The following HEATR1 variants were observed in gnomAD, a reference collection of about 807,000 sequenced individuals.
HEATR1 encodes the protein HEAT repeat containing 1.
A neutral mutation model predicts 248.2 loss-of-function variants in HEATR1; 77 were observed. That is an observed-to-expected ratio of 0.31 (90% CI 0.26 to 0.37). The LOEUF (loss-of-function observed/expected upper bound fraction) is 0.37, where lower values mean the gene tolerates loss of function less well. HEATR1 is among the 10% of genes least tolerant of loss of function. HEATR1 has a pLI of 1.00. For missense variants in HEATR1, 2,420 were observed against 2,504.9 expected (o/e 0.97, Z 0.72); for synonymous variants, 897 against 923.1 (o/e 0.97, Z 0.51).
chr1:236,552,743 T>C (rs774184174), intron 43 of HEATR1: 6 of 152,338 alleles, frequency 3.9e-5, no homozygotes, highest in African/African-American at 1.4e-4. Context: ...GTCTTCTAAT[T>C]TTGGATATTT....
At chr1:236,601,853 C>T (rs950576932) in intron 3 of HEATR1, among the ~76,000 whole-genome samples, 6 of 149,462 alleles carry the variant, frequency 4.0e-5, no homozygotes, top group Admixed American at 2.0e-4. Flanking sequence ...AAAAGACAGC[C>T]GTGTGCAGTG....
rs749461466 is a variant in HEATR1, at chr1:236,582,867, T to A, written c.2431A>T (p.Ile811Leu). ...KAPKSFPKGDIWWNPEQLKED... is the reference protein window; with the variant it reads ...KAPKSFPKGDLWWNPEQLKED... ...TTCAGTTGTTCAGGATTCCACCATA[T>A]ATCACCTACAAGGACATGGAAAGAG... Residue 811 changes from isoleucine (I) to leucine (L), a missense_variant, in exon 19 of 45, where the codon ATA (isoleucine) becomes TTA (leucine). Transcript: ENST00000366582. 6.2e-7 allele frequency: 1 copy of A among 1,614,080 alleles called. No homozygotes were observed. Among genetic ancestry groups the A allele is most frequent in the South Asian group, 1.1e-5 (1 of 91,084 alleles).
At chr1:236,595,748 A>AT in intron 7 of HEATR1, 75 bp from the exon 8 acceptor site, 1 of 1,512,994 alleles carries the variant, frequency 6.6e-7, no homozygotes, top group Non-Finnish European at 9.1e-7. Flanking sequence ...GAAAATATAT[A>AT]ATCACTTATC....
chr1:236,564,608 G>A lies in HEATR1; in HGVS notation c.4489C>T (p.Leu1497=), dbSNP rs1267684304. The A allele has an allele frequency of 1.2e-6, 2 of 1,613,534 alleles. No homozygotes were observed. The highest frequency in any genetic ancestry group is 8.5e-7 in the Non-Finnish European group (1 of 1,179,928). Residue 1497 remains leucine, a synonymous_variant, in exon 32 of 45, where the codon CTA becomes TTA. Coordinates refer to ENST00000366582, the MANE Select transcript of HEATR1 (RefSeq NM_018072.6). ...TGAGTCTCTACATTAAAAACCTGTA[G>A]CATTTCTTCTTGTGATTCACTCTTA... The part of the protein sequence containing the change: ...FNKSESQEEM[L]QVFNVETHTS...
intron 15 of HEATR1, 143 bp from the exon 16 acceptor site, chr1:236,586,084 G>C: frequency 7.8e-7 from 1 of 1,276,652 alleles, no homozygotes; most frequent in Non-Finnish European, 1.1e-6. Flanking sequence ...ATTTGTCTAT[G>C]AATTGGCTTC....
At chr1:236,592,303 G>T (rs1664059735) in intron 10 of HEATR1, among the ~76,000 whole-genome samples, 193 bp from the exon 11 acceptor site, 1 of 152,052 alleles carries the variant, frequency 6.6e-6, no homozygotes, top group Admixed American at 6.6e-5. Flanking sequence ...TAACAAAATA[G>T]TCTCTCTATA....
intron 24 of HEATR1, 89 bp from the exon 25 acceptor site, chr1:236,572,917 C>A (rs1337882559): frequency 2.6e-6 from 3 of 1,167,082 alleles, no homozygotes; most frequent in Non-Finnish European, 3.8e-6. Context: ...AGGATTTATT[C>A]AATTAAGAGG....
rs753570196 is a variant in HEATR1 at position 236,559,056 on chromosome 1, C to T, written c.4850G>A (p.Arg1617His). 1.1e-5 allele frequency: 18 copies of T among 1,612,408 alleles called. No homozygotes were observed. Among genetic ancestry groups the T allele is most frequent in the Admixed American group, 1.0e-4 (6 of 59,496 alleles). The change falls in exon 35 of 45, where the codon CGC becomes CAC. Residue 1617 changes from arginine (R) to histidine (H), a missense_variant. Coordinates refer to ENST00000366582, the MANE Select transcript of HEATR1 (RefSeq NM_018072.6). ...LVGNPLPSVR[R>H]KALDLLNNKL... ...GTTATTCAAAAGGTCCAGCGCTTTG[C>T]GGCGAACAGATGGCAGGGGATTGCC... is the stretch of plus-strand genomic sequence containing the variant.
chr1:236,553,851 A>G (rs1300366252), intron 42 of HEATR1, 112 bp from the exon 43 acceptor site: 18 of 1,138,226 alleles, frequency 1.6e-5, no homozygotes, highest in Middle Eastern at 3.0e-4. Flanking sequence ...TAGCAGGTTC[A>G]AAAACCAGGC....
At position 236,559,018 on chromosome 1, in the gene HEATR1, T is replaced by C. The variant is rs115054974; in HGVS notation, c.4888A>G (p.Asn1630Asp). The C allele has an allele frequency of 9.0e-3, 14,423 of 1,610,572 alleles. 98 individuals carry two copies. The highest frequency in any genetic ancestry group is 0.01 in the Non-Finnish European group (11,933 of 1,179,060). ...LDLLNNKLQQ[N>D]ISWKKTIVTR... Reference sequence around the variant, plus strand: ...ACTATTGTCTTCTTCCAGGATATATTTTGCTGCAGCTTGTTATTCAAAAGG... The same window carrying C: ...ACTATTGTCTTCTTCCAGGATATATCTTGCTGCAGCTTGTTATTCAAAAGG... Residue 1630 changes from asparagine to aspartate, a missense_variant, in exon 35 of 45, where the codon AAT becomes GAT. Physicochemically the swap from Asn to Asp is conservative, Grantham distance 23. Coordinates refer to ENST00000366582, the MANE Select transcript of HEATR1 (RefSeq NM_018072.6).
chr1:236,576,845 G>C lies in HEATR1; in HGVS notation c.2860C>G (p.Leu954Val). ...TTAGAAATCAAATGATCTATTATCA[G>C]ATAAAACGGGGATGCCACTCCACTG... ...ALSGVASPFY[L>V]IIDHLISKAE... is the part of the protein sequence containing the mutation. Residue 954 changes from leucine to valine, a missense_variant, in exon 21 of 45, where the codon CTG (leucine) becomes GTG (valine). Physicochemically the swap from Leu to Val is conservative, Grantham distance 32. Coordinates refer to ENST00000366582, the MANE Select transcript of HEATR1 (RefSeq NM_018072.6). 6.2e-7 allele frequency: 1 copy of C among 1,614,058 alleles called. No homozygotes were observed. The highest frequency in any genetic ancestry group is 8.5e-7 in the Non-Finnish European group (1 of 1,179,976).
rs776199324 is a variant in HEATR1 at position 236,556,250 on chromosome 1, A to T, written c.5364T>A (p.His1788Gln). ...YLEGILSQVI[H>Q]LEKITSEMGS... ...CCATTTCACTAGTGATTTTCTCCAGATGAATCACCTACAGGAATATAAAAA... is the reference window on the plus strand; with the variant it reads ...CCATTTCACTAGTGATTTTCTCCAGTTGAATCACCTACAGGAATATAAAAA... Residue 1788 changes from histidine (H) to glutamine (Q), a missense_variant, in exon 38 of 45, where the codon CAT becomes CAA. By Grantham distance (24) the His-to-Gln change is conservative (BLOSUM62 0). Coordinates refer to ENST00000366582, the MANE Select transcript of HEATR1 (RefSeq NM_018072.6). The T allele has an allele frequency of 6.2e-7, 1 of 1,614,016 alleles. No homozygotes were observed. Among genetic ancestry groups the T allele is most frequent in the Non-Finnish European group, 8.5e-7 (1 of 1,180,004 alleles).
At chr1:236,592,166 A>G in intron 10 of HEATR1, 56 bp from the exon 11 acceptor site, 2 of 839,188 alleles carry the variant, frequency 2.4e-6, no homozygotes, top group Non-Finnish European at 3.8e-6. Context: ...TTAATCTCAT[A>G]CACCATACAC....
chr1:236,585,064 C>T lies in HEATR1; in HGVS notation c.2202G>A (p.Gln734=). Residue 734 remains glutamine (Q), a synonymous_variant, in exon 17 of 45, where the codon CAG becomes CAA. Coordinates refer to ENST00000366582, the MANE Select transcript of HEATR1 (RefSeq NM_018072.6). ...CACTTTCAAGCTTCTTTATTTTTTT[C>T]TGCAACAAACTGAAGACTCTTATCG... ...PFAIRVFSLL[Q]KKIKKLESVI... 6.2e-7 allele frequency: 1 copy of T among 1,612,212 alleles called. No homozygotes were observed. Among genetic ancestry groups the T allele is most frequent in the Non-Finnish European group, 8.5e-7 (1 of 1,179,426 alleles).
chr1:236,583,219 A>T, intron 17 of HEATR1, 23 bp from the exon 18 acceptor site: 1 of 1,555,056 alleles, frequency 6.4e-7, no homozygotes, highest in African/African-American at 1.4e-5. Context: ...AGGAAACAAA[A>T]ACTAGTACAA....
intron 33 of HEATR1, 122 bp downstream of exon 33, chr1:236,561,103 G>C: frequency 1.3e-6 from 1 of 740,990 alleles, no homozygotes; most frequent in South Asian, 1.7e-5. Context: ...GTGGCAGAAA[G>C]TATTATCAAA....
intron 20 of HEATR1, among the ~76,000 whole-genome samples, chr1:236,577,487 T>A (rs1282883073): frequency 3.5e-5 from 3 of 86,532 alleles, no homozygotes; most frequent in Non-Finnish European, 7.7e-5. Context: ...AATTACATCA[T>A]TCTTTTTTTT....
rs772823340 is a variant in HEATR1 at position 236,603,994 on chromosome 1, C to T, written c.102G>A (p.Lys34=). The T allele has an allele frequency of 6.2e-7, 1 of 1,600,194 alleles. No individual in the cohort carries two copies. Among genetic ancestry groups the T allele is most frequent in the Non-Finnish European group, 8.5e-7 (1 of 1,175,486 alleles). The change falls in exon 2 of 45, where the codon AAG becomes AAA. Residue 34 remains lysine (K), a synonymous_variant. Coordinates refer to ENST00000366582, the MANE Select transcript of HEATR1 (RefSeq NM_018072.6). ...DEVASLLFDP[K]EAATIDRDTA... is the part of the protein sequence containing the mutation. ...TGTCCCTGTCGATTGTGGCCGCTTCCTTAGGGTCAAATAACAAAGAAGCAA... is the reference window on the plus strand; with the variant it reads ...TGTCCCTGTCGATTGTGGCCGCTTCTTTAGGGTCAAATAACAAAGAAGCAA...
rs140350692 is a variant in HEATR1, at chr1:236,585,086, A to G, written c.2180T>C (p.Ile727Thr). The G allele has an allele frequency of 8.1e-4, 1,313 of 1,614,092 alleles. 15 individuals are homozygous for G. In the Admixed American group the frequency reaches 0.014, roughly 17 times the overall value. ...TTTCTGCAACAAACTGAAGACTCTT[A>G]TCGCAAATGGAAAGTGGGTTTCTTT... ...SLKETHFPFA[I>T]RVFSLLQKKI... is the part of the protein sequence containing the mutation. The change falls in exon 17 of 45, where the codon ATA becomes ACA. Residue 727 changes from isoleucine (I) to threonine (T), a missense_variant. Physicochemically the swap from Ile to Thr is moderately conservative, Grantham distance 89 (BLOSUM62 -1). Transcript: ENST00000366582.
Sources: allele counts gnomAD v4.1 joint callset (sites outside exome capture counted in the v4.1 genomes callset), GRCh38; gene constraint gnomAD v4.1.1; transcripts MANE v1.5; gene names NCBI Gene and HGNC (gene_info 2026-07-23, HGNC 2026-07-21).